NOX4: variants seen among roughly 807,000 people sequenced by gnomAD.
NOX4 encodes the protein kidney oxidase-1.
A neutral mutation model predicts 87.6 loss-of-function variants in NOX4; 69 were observed. The ratio of observed to expected loss-of-function variants is 0.79; its 90% confidence interval spans 0.65 to 0.96. NOX4 has a LOEUF of 0.96. Among genes scored for constraint, NOX4 ranks in the 40% least tolerant of loss-of-function variants. NOX4 has a pLI of 0.00. For synonymous variants in NOX4, 275 were observed against 238.2 expected (o/e 1.15, Z -1.42); for missense variants, 680 against 681.5 (o/e 1.00, Z 0.02).
the NOX4 span, among the ~76,000 whole-genome samples, chr11:89,563,504 T>G: frequency 6.6e-6 from 1 of 152,188 alleles, no homozygotes; most frequent in Non-Finnish European, 1.5e-5. Flanking sequence ...CCGTATTTGA[T>G]CTCTCTGCTA....
At chr11:89,506,744 CAAAT>C in the NOX4 span, among the ~76,000 whole-genome samples, 1 of 151,700 alleles carries the variant, frequency 6.6e-6, no homozygotes, top group Non-Finnish European at 1.5e-5. Flanking sequence ...GATAAGAAAA[CAAAT>C]AGTCCAATGA....
rs1363997476 is a variant in NOX4 at position 89,432,789 on chromosome 11, T to A, written c.543A>T (p.Ala181=). Residue 181 remains alanine (A), a synonymous_variant, in exon 7 of 18, where the codon GCA becomes GCT. Coordinates refer to ENST00000263317, the MANE Select transcript of NOX4 (RefSeq NM_016931.5). ...LFLMITASTY[A]IRVSNYDIFW... is the part of the protein sequence containing the mutation. ...TAATTGATTCTGACACTTACCTTAT[T>A]GCATATGTAGAGGCTGTGATCATGA... 1 of 1,604,650 alleles carries A rather than the reference T, an allele frequency of 6.2e-7. No individual in the cohort carries two copies. The highest frequency in any genetic ancestry group is 2.2e-5 in the East Asian group (1 of 44,606).
intron 17 of NOX4, among the ~76,000 whole-genome samples, chr11:89,335,405 A>G (rs1306249058): frequency 6.6e-6 from 1 of 151,816 alleles, no homozygotes; most frequent in Non-Finnish European, 1.5e-5. Context: ...GAGTTTTTTG[A>G]AAAACAAACA....
At chr11:89,531,959 G>A in the NOX4 span, among the ~76,000 whole-genome samples, 1 of 152,208 alleles carries the variant, frequency 6.6e-6, no homozygotes, top group African/African-American at 2.4e-5. Context: ...CCAAGCCTTG[G>A]CAGCTTCCGT....
intron 2 of NOX4, among the ~76,000 whole-genome samples, chr11:89,464,727 G>A (rs985448113): frequency 1.3e-5 from 2 of 152,180 alleles, no homozygotes; most frequent in African/African-American, 4.8e-5. Flanking sequence ...AGTCCCACCT[G>A]TCAAGGTATC....
At chr11:89,361,239 T>C (rs1938497208) in intron 12 of NOX4, among the ~76,000 whole-genome samples, 1 of 152,030 alleles carries the variant, frequency 6.6e-6, no homozygotes, top group Admixed American at 6.6e-5. Flanking sequence ...GAAAATGTGG[T>C]ATACATACAA....
chr11:89,561,039 C>T, the NOX4 span, among the ~76,000 whole-genome samples: 2 of 64,574 alleles, frequency 3.1e-5, no homozygotes, highest in Non-Finnish European at 5.7e-5. Context: ...CACACATACA[C>T]ATATATCATA....
chr11:89,466,575 G>A (rs16913314), intron 2 of NOX4, among the ~76,000 whole-genome samples: 8,607 of 152,078 alleles, frequency 0.057, 741 homozygotes, highest in African/African-American at 0.19. Context: ...ATTATTAATC[G>A]AACACATATT....
chr11:89,487,744 C>G (rs978536687), intron 2 of NOX4, among the ~76,000 whole-genome samples: 1 of 152,070 alleles, frequency 6.6e-6, no homozygotes, highest in Non-Finnish European at 1.5e-5. Flanking sequence ...ACATATAGTT[C>G]TTAAAAATGT....
chr11:89,530,555 T>C, the NOX4 span, among the ~76,000 whole-genome samples: 1 of 151,036 alleles, frequency 6.6e-6, no homozygotes, highest in Non-Finnish European at 1.5e-5. Context: ...GGTTGCACTA[T>C]GTTGGTCAGG....
At position 89,406,276 on chromosome 11, in the gene NOX4, AT is replaced by A. The variant is rs1591142481; in HGVS notation, c.630-3735del. Among the ~76,000 whole-genome samples the A allele has an allele frequency of 2.0e-5, 3 of 152,186 alleles. No homozygotes were observed. In the East Asian group the frequency reaches 5.8e-4, roughly 29 times the overall value. On this transcript the variant is annotated intron_variant, in intron 8 of 17. Transcript: ENST00000263317. Reference sequence around the variant, plus strand: ...AAATCTGATATTATCTCCCTAATCCATTTACTTCACTGTGGCCACATTTATT... The same window carrying A: ...AAATCTGATATTATCTCCCTAATCCATTACTTCACTGTGGCCACATTTATT...
chr11:89,391,577 G>A (rs11018599), intron 11 of NOX4, among the ~76,000 whole-genome samples: 13,995 of 151,530 alleles, frequency 0.092, 785 homozygotes, highest in South Asian at 0.19. Context: ...GCAACATAGC[G>A]AGGCCCTATC....
the NOX4 span, among the ~76,000 whole-genome samples, chr11:89,542,408 T>G: frequency 1.3e-5 from 2 of 152,230 alleles, no homozygotes; most frequent in Non-Finnish European, 2.9e-5. Flanking sequence ...ATAACCTACT[T>G]AGAATTTACC....
chr11:89,457,838 TA>T (rs1945273473), intron 2 of NOX4, among the ~76,000 whole-genome samples: 1 of 151,730 alleles, frequency 6.6e-6, no homozygotes, highest in Non-Finnish European at 1.5e-5. Flanking sequence ...TACCTAGAAA[TA>T]CAAATAACCA....
At chr11:89,489,991 G>A (rs912790141) in intron 2 of NOX4, among the ~76,000 whole-genome samples, 1 of 152,126 alleles carries the variant, frequency 6.6e-6, no homozygotes, top group African/African-American at 2.4e-5. Flanking sequence ...CAAGCACTGA[G>A]AACTGCCCAG....
At chr11:89,506,884 A>G in the NOX4 span, among the ~76,000 whole-genome samples, 3 of 151,918 alleles carry the variant, frequency 2.0e-5, no homozygotes, top group South Asian at 2.1e-4. Flanking sequence ...CTACATACCT[A>G]TCAGAATGGC....
chr11:89,545,163 T>G, the NOX4 span: 2 of 152,198 alleles, frequency 1.3e-5, no homozygotes, highest in Non-Finnish European at 2.9e-5. Context: ...GCAGAACAAG[T>G]GCTGTTCCAA....
At chr11:89,438,192 T>C (rs932346627) in intron 6 of NOX4, among the ~76,000 whole-genome samples, 2 of 146,034 alleles carry the variant, frequency 1.4e-5, no homozygotes, top group African/African-American at 5.0e-5. Flanking sequence ...TAAGAAGTAT[T>C]AGTTATTAGT....
intron 17 of NOX4, among the ~76,000 whole-genome samples, chr11:89,334,792 T>C (rs1945626280): frequency 6.6e-6 from 1 of 151,710 alleles, no homozygotes; most frequent in African/African-American, 2.4e-5. Context: ...AAATATTTAA[T>C]TTATGTTCAT....
Sources: allele counts gnomAD v4.1 joint callset (sites outside exome capture counted in the v4.1 genomes callset), GRCh38; gene constraint gnomAD v4.1.1; transcripts MANE v1.5; gene names NCBI Gene and HGNC (gene_info 2026-07-23, HGNC 2026-07-21).